Variants in FHIT observed in about 807,000 individuals in gnomAD.
FHIT encodes the protein fragile histidine triad diadenosine triphosphatase.
In FHIT, 19 loss-of-function variants were observed where a neutral mutation model predicts 17.9. The observed-to-expected ratio is 1.06, with a 90% CI of 0.74 to 1.56. The LOEUF is 1.56. FHIT is among the 40% of genes most tolerant of loss of function. The pLI is 0.00. For missense variants in FHIT, 248 were observed against 189.2 expected (o/e 1.31, Z -1.82); for synonymous variants, 81 against 69.7 (o/e 1.16, Z -0.81).
intron 4 of FHIT, among the ~76,000 whole-genome samples, chr3:60,571,369 ATG>A (rs1559549080): frequency 2.0e-3 from 234 of 118,854 alleles, no homozygotes; most frequent in Non-Finnish European, 2.7e-3. Context: ...AAAAAGAACA[ATG>A]AATGACGTAT....
At chr3:60,232,855 T>A (rs939150643) in intron 5 of FHIT, among the ~76,000 whole-genome samples, 3 of 152,200 alleles carry the variant, frequency 2.0e-5, no homozygotes, top group African/African-American at 7.2e-5. Flanking sequence ...AATATCACTC[T>A]CCTGCGTACA....
chr3:60,537,864 C>T (rs1186789694), intron 4 of FHIT, among the ~76,000 whole-genome samples: 1 of 152,070 alleles, frequency 6.6e-6, no homozygotes, highest in Non-Finnish European at 1.5e-5. Context: ...TTTTCTAATT[C>T]GGGAACAGCC....
At chr3:59,864,843 A>AC (rs1702570667) in intron 8 of FHIT, among the ~76,000 whole-genome samples, 1 of 152,056 alleles carries the variant, frequency 6.6e-6, no homozygotes, top group African/African-American at 2.4e-5. Flanking sequence ...AAAAAAAAAA[A>AC]AACATTTTGC....
chr3:60,283,530 C>T (rs1576418962), intron 5 of FHIT, among the ~76,000 whole-genome samples: 1 of 151,996 alleles, frequency 6.6e-6, no homozygotes, highest in African/African-American at 2.4e-5. Flanking sequence ...TTGTTTTTAA[C>T]ACATCTCAAA....
Position 60,172,172 on chromosome 3 carries a change from A to C in FHIT, c.104-158020T>G, listed in dbSNP as rs139600679. On this transcript the variant is annotated intron_variant, in intron 5 of 9. Transcript: ENST00000492590. ...GTAACAGAGGAATGAAACTGAGCTCAGGAAGTCAGGAGAGCTAGTTAAGGG... is the reference window on the plus strand; with the variant it reads ...GTAACAGAGGAATGAAACTGAGCTCCGGAAGTCAGGAGAGCTAGTTAAGGG... Among the ~76,000 whole-genome samples the C allele has an allele frequency of 2.2e-4, 33 of 152,336 alleles. No individual in the cohort carries two copies. In the East Asian group the frequency reaches 4.8e-3, roughly 22 times the overall value.
At chr3:59,775,402 T>C (rs1356455849) in intron 8 of FHIT, among the ~76,000 whole-genome samples, 1 of 152,198 alleles carries the variant, frequency 6.6e-6, no homozygotes, top group African/African-American at 2.4e-5. Context: ...AATTTTCCTC[T>C]AGGTGCCTAC....
rs183652450 is a variant in FHIT at position 60,944,489 on chromosome 3, T to C, written c.-111+97558A>G. Among the ~76,000 whole-genome samples the C allele has an allele frequency of 1.4e-4, 22 of 152,344 alleles. No homozygotes were observed. The East Asian group carries it at 4.0e-3, about 28-fold the overall frequency. On this transcript the variant is annotated intron_variant, in intron 3 of 9. Transcript: ENST00000492590. The stretch of plus-strand genomic sequence containing the variant: ...TGCTAAAATTGTCCCATGTCTGCTA[T>C]TGTGCTCTTCTTGAAGATAATTTGC...
chr3:60,285,445 G>A (rs1306560440), intron 5 of FHIT, among the ~76,000 whole-genome samples: 1 of 152,070 alleles, frequency 6.6e-6, no homozygotes, highest in African/African-American at 2.4e-5. Context: ...AATGAATAAT[G>A]AACGGCAGAC....
intron 8 of FHIT, among the ~76,000 whole-genome samples, chr3:59,753,420 A>C (rs766457027): frequency 2.0e-5 from 3 of 152,168 alleles, no homozygotes; most frequent in Admixed American, 2.0e-4. Flanking sequence ...TACAATTTCA[A>C]TTCTATCAGA....
chr3:61,018,633 T>A (rs2032243532), intron 3 of FHIT, among the ~76,000 whole-genome samples: 1 of 152,210 alleles, frequency 6.6e-6, no homozygotes, highest in Non-Finnish European at 1.5e-5. Context: ...AGGAAAGATT[T>A]CTAAGGCTAC....
At chr3:60,184,847 T>C (rs1336270035) in intron 5 of FHIT, among the ~76,000 whole-genome samples, 1 of 152,184 alleles carries the variant, frequency 6.6e-6, no homozygotes, top group Non-Finnish European at 1.5e-5. Context: ...CAAATCTTTT[T>C]TTATATTTTG....
Position 59,927,463 on chromosome 3 carries a change from T to TAAA in FHIT, c.280-5052_280-5050dup, listed in dbSNP as rs58083993. Among the ~76,000 whole-genome samples the TAAA allele has an allele frequency of 3.6e-3, 468 of 130,260 alleles. 1 individual carries two copies. The highest frequency in any genetic ancestry group is 6.0e-3 in the South Asian group (25 of 4,196). 85.5% of individuals were successfully genotyped at this position (130,260 alleles called of 152,430 possible). On this transcript the variant is annotated intron_variant, in intron 7 of 9. Coordinates refer to ENST00000492590, the MANE Select transcript of FHIT (RefSeq NM_002012.4). ...ATTATATCTCAATAAAGCTATTACT[T>TAAA]AAAAAAAAAAAAAAAAACTGAAGGC... is the stretch of plus-strand genomic sequence containing the variant.
intron 5 of FHIT, among the ~76,000 whole-genome samples, chr3:60,522,783 T>A (rs1229073638): frequency 6.6e-6 from 1 of 152,182 alleles, no homozygotes; most frequent in African/African-American, 2.4e-5. Flanking sequence ...AATCAGCCTA[T>A]TTTTACCTCA....
Position 60,139,120 on chromosome 3 carries a change from C to T in FHIT, c.104-124968G>A, listed in dbSNP as rs373160138. Among the ~76,000 whole-genome samples, 7 of 152,114 alleles carry T rather than the reference C, an allele frequency of 4.6e-5. No homozygotes were observed. In the East Asian group the frequency reaches 7.7e-4, roughly 17 times the overall value. ...CCAAAACTCAAACAAGTGCATCTAA[C>T]TGGCAAACAAGGAATCAGATCCAGG... On this transcript the variant is annotated intron_variant, in intron 5 of 9. Coordinates refer to ENST00000492590, the MANE Select transcript of FHIT (RefSeq NM_002012.4).
chr3:59,761,651 G>A (rs2106786051), intron 8 of FHIT, among the ~76,000 whole-genome samples: 1 of 151,640 alleles, frequency 6.6e-6, no homozygotes. Flanking sequence ...CTGTTGCCCA[G>A]GCTGGAGTGC....
chr3:60,016,282 G>T (rs1473880080), intron 5 of FHIT, among the ~76,000 whole-genome samples: 1 of 152,184 alleles, frequency 6.6e-6, no homozygotes, highest in Admixed American at 6.5e-5. Flanking sequence ...CTAGAGTATA[G>T]AGTTTTTTTA....
intron 4 of FHIT, chr3:60,765,608 A>G (rs1553721212): frequency 6.6e-6 from 1 of 152,190 alleles, no homozygotes; most frequent in Non-Finnish European, 1.5e-5. Flanking sequence ...GAAGTTCTTT[A>G]CAGGTTTACT....
intron 5 of FHIT, among the ~76,000 whole-genome samples, chr3:60,314,125 C>T (rs540430001): frequency 3.9e-5 from 6 of 152,160 alleles, no homozygotes; most frequent in East Asian, 3.9e-4. Context: ...ATTTTCCCTT[C>T]AATCTCATAT....
In FHIT at chr3:61,212,116, C is replaced by A. The variant is rs572312093; in HGVS notation, c.-212-11451G>T. On this transcript the variant is annotated intron_variant, in intron 1 of 9. Transcript: ENST00000492590. ...GCGCTTCTCCTCCTCCAAAGGAACG[C>A]AGTTCCTCACCAGCAACGGAATAAA... 2.0e-4 allele frequency among the ~76,000 whole-genome samples: 30 copies of A among 152,352 alleles called. 1 individual carries two copies. The highest frequency in any genetic ancestry group is 7.0e-4 in the African/African-American group (29 of 41,582).
Sources: gnomAD v4.1 joint callset for allele counts (sites outside exome capture counted in the v4.1 genomes callset) on GRCh38, gnomAD v4.1.1 for gene constraint, MANE v1.5 for transcripts, NCBI Gene and HGNC (gene_info 2026-07-23, HGNC 2026-07-21) for gene names.